The following GALNT13 variants were observed in gnomAD, a reference collection of about 807,000 sequenced individuals.
GALNT13 encodes the protein polypeptide N-acetylgalactosaminyltransferase 13, also known as UDP-GalNAc:polypeptide N-acetylgalactosaminyltransferase 13.
In GALNT13, 28 loss-of-function variants were observed where a neutral mutation model predicts 64.2. That is an observed-to-expected ratio of 0.44 (90% confidence interval 0.32 to 0.60). GALNT13 has a LOEUF of 0.60. Ranked by LOEUF, GALNT13 falls within the 20% of genes least tolerant of loss-of-function variation. The pLI is 0.05. For missense variants in GALNT13, 577 were observed against 669.8 expected (o/e 0.86, Z 1.53); for synonymous variants, 214 against 224.6 (o/e 0.95, Z 0.42).
chr2:154,048,211 A>G (rs185130609), intron 3 of GALNT13, among the ~76,000 whole-genome samples: 1 of 152,268 alleles, frequency 6.6e-6, no homozygotes, highest in East Asian at 1.9e-4. Flanking sequence ...TATCACAAGA[A>G]CAGCACTAGG....
At chr2:154,003,411 G>C (rs908201149) in intron 3 of GALNT13, among the ~76,000 whole-genome samples, 17 of 152,288 alleles carry the variant, frequency 1.1e-4, no homozygotes, top group African/African-American at 4.1e-4. Flanking sequence ...TGTGGCTTCT[G>C]TCATTTTTGT....
chr2:153,208,061 AT>A, the GALNT13 span: 1,216 of 150,554 alleles, frequency 8.1e-3, 56 homozygotes, highest in East Asian at 0.052. Flanking sequence ...CAATACAAAT[AT>A]TTTTTTTTTT....
At chr2:154,075,670 G>A (rs564765928) in intron 3 of GALNT13, among the ~76,000 whole-genome samples, 1 of 151,824 alleles carries the variant, frequency 6.6e-6, no homozygotes, top group East Asian at 1.9e-4. Context: ...CTATTAAAAT[G>A]TACCTCTAGA....
At chr2:153,419,649 G>A in the GALNT13 span, among the ~76,000 whole-genome samples, 407 of 152,180 alleles carry the variant, frequency 2.7e-3, 17 homozygotes, top group East Asian at 0.072. Flanking sequence ...AAGCTTCATG[G>A]ACCTAAATAC....
chr2:154,298,632 A>G (rs1693156439), intron 8 of GALNT13, among the ~76,000 whole-genome samples: 1 of 84,150 alleles, frequency 1.2e-5, no homozygotes, highest in African/African-American at 4.5e-5. Flanking sequence ...CATTGTATAT[A>G]TAATTTATAT....
chr2:153,404,550 G>C, the GALNT13 span, among the ~76,000 whole-genome samples: 1 of 151,400 alleles, frequency 6.6e-6, no homozygotes, highest in African/African-American at 2.4e-5. Context: ...TCTAGGAAAA[G>C]TATTTCCCAA....
chr2:154,251,059 C>G (rs1046369073), intron 7 of GALNT13, among the ~76,000 whole-genome samples: 1 of 151,982 alleles, frequency 6.6e-6, no homozygotes, highest in Admixed American at 6.6e-5. Context: ...AGAAAGAGTA[C>G]TTTTATATTA....
At chr2:154,417,244 C>A (rs186337987) in intron 11 of GALNT13, among the ~76,000 whole-genome samples, 1 of 135,300 alleles carries the variant, frequency 7.4e-6, no homozygotes, top group Admixed American at 8.2e-5. Flanking sequence ...ATGACTCCGT[C>A]GAAATTATCG....
chr2:154,331,639 A>G (rs879593014), intron 9 of GALNT13, among the ~76,000 whole-genome samples: 3 of 152,060 alleles, frequency 2.0e-5, no homozygotes, highest in Non-Finnish European at 4.4e-5. Flanking sequence ...GAGTTAGTTC[A>G]GAAGAAGGTA....
chr2:153,219,764 CA>C, the GALNT13 span, among the ~76,000 whole-genome samples: 2 of 151,864 alleles, frequency 1.3e-5, no homozygotes, highest in African/African-American at 4.9e-5. Flanking sequence ...CTCCAGATAA[CA>C]AATTGGTTTT....
the GALNT13 span, among the ~76,000 whole-genome samples, chr2:153,642,933 G>C: frequency 6.6e-6 from 1 of 151,120 alleles, no homozygotes; most frequent in African/African-American, 2.4e-5. Flanking sequence ...TTTAAATTAA[G>C]AAACACACAT....
chr2:153,787,592 G>A, the GALNT13 span, among the ~76,000 whole-genome samples: 2 of 152,168 alleles, frequency 1.3e-5, no homozygotes, highest in Non-Finnish European at 2.9e-5. Context: ...CTTAACTAGG[G>A]TGAGTTTGCT....
At chr2:153,821,312 A>G in the GALNT13 span, among the ~76,000 whole-genome samples, 3 of 152,212 alleles carry the variant, frequency 2.0e-5, no homozygotes, top group African/African-American at 7.2e-5. Flanking sequence ...CACCTGAAAC[A>G]TACTCTTAAG....
chr2:153,117,276 C>T, the GALNT13 span, among the ~76,000 whole-genome samples: 2 of 152,136 alleles, frequency 1.3e-5, no homozygotes, highest in African/African-American at 4.8e-5. Flanking sequence ...AGAAAGCAAA[C>T]TTTCTTAACA....
At chr2:153,283,744 G>T in the GALNT13 span, among the ~76,000 whole-genome samples, 1 of 152,196 alleles carries the variant, frequency 6.6e-6, no homozygotes, top group East Asian at 1.9e-4. Context: ...TGCATAGGAA[G>T]GGTAAGGCCA....
At chr2:153,597,461 T>G in the GALNT13 span, among the ~76,000 whole-genome samples, 1 of 152,070 alleles carries the variant, frequency 6.6e-6, no homozygotes, top group Non-Finnish European at 1.5e-5. Context: ...GACACTTGCC[T>G]TACATCTTTA....
the GALNT13 span, among the ~76,000 whole-genome samples, chr2:153,328,671 G>A: frequency 1.7e-3 from 266 of 152,246 alleles, 3 homozygotes; most frequent in African/African-American, 5.7e-3. Flanking sequence ...AAGCTCAAGC[G>A]TCCCAGGTCA....
At chr2:153,478,487 C>T in the GALNT13 span, 3 of 1,612,520 alleles carry the variant, frequency 1.9e-6, no homozygotes, top group Non-Finnish European at 1.7e-6. Context: ...CAGCAGCGCA[C>T]GGCTCGCTCC....
chr2:153,790,805 C>T, the GALNT13 span, among the ~76,000 whole-genome samples: 1 of 152,028 alleles, frequency 6.6e-6, no homozygotes. Flanking sequence ...TATACACCCA[C>T]AAAAATAAAT....
Sources: allele counts gnomAD v4.1 joint callset (sites outside exome capture counted in the v4.1 genomes callset), GRCh38; gene constraint gnomAD v4.1.1; transcripts MANE v1.5; gene names NCBI Gene and HGNC (gene_info 2026-07-23, HGNC 2026-07-21).